Variants in RASGRP1 observed in about 807,000 individuals in gnomAD.
The protein encoded by RASGRP1 is RAS guanyl releasing protein 1.
In RASGRP1, 37 loss-of-function variants were observed where a neutral mutation model predicts 95.1. The observed-to-expected ratio is 0.39, with a 90% CI of 0.30 to 0.51. RASGRP1 has a LOEUF of 0.51. Ranked by LOEUF, RASGRP1 falls within the 20% of genes least tolerant of loss-of-function variation. The probability of loss-of-function intolerance (pLI) is 0.80; values close to 1 mark genes in which losing one functional copy is unlikely to be tolerated. For missense variants in RASGRP1, 711 were observed against 965.4 expected, an observed-to-expected ratio of 0.74 and a Z score of 3.49; for synonymous variants, 325 against 353.4, an observed-to-expected ratio of 0.92 and a Z score of 0.90.
chr15:38,518,154 CTG>C (rs1891859747), intron 5 of RASGRP1, 136 bp downstream of exon 5: 1 of 778,156 alleles, frequency 1.3e-6, no homozygotes, highest in East Asian at 2.7e-5. Context: ...CAGTTTGAAC[CTG>C]TGTATTTGAG....
At chr15:38,491,875 G>A (rs117117067) in intron 16 of RASGRP1, among the ~76,000 whole-genome samples, 2 of 152,130 alleles carry the variant, frequency 1.3e-5, no homozygotes, top group Non-Finnish European at 2.9e-5. Context: ...ATCTTTCTGC[G>A]AGCCACTTCT....
At chr15:38,535,798 A>G (rs1004942508) in intron 2 of RASGRP1, among the ~76,000 whole-genome samples, 1 of 152,214 alleles carries the variant, frequency 6.6e-6, no homozygotes, top group African/African-American at 2.4e-5. Flanking sequence ...TTTTAGCTGT[A>G]TTGTCTCTGC....
At chr15:38,564,443 G>T in intron 1 of RASGRP1, 151 bp downstream of exon 1, 2 of 286,364 alleles carry the variant, frequency 7.0e-6, no homozygotes, top group Non-Finnish European at 1.1e-5. Context: ...TTCTGGACAC[G>T]TCCGCCCGTC....
At chr15:38,542,844 T>TATATGTGTATATATATATAC (rs1555403772) in intron 2 of RASGRP1, among the ~76,000 whole-genome samples, 11 of 126,910 alleles carry the variant, frequency 8.7e-5, no homozygotes, top group African/African-American at 1.6e-4. Flanking sequence ...TGTATATATA[T>TATATGTGTATATATATATAC]ATATGTGTAT....
At chr15:38,556,401 C>A (rs548356690) in intron 2 of RASGRP1, among the ~76,000 whole-genome samples, 67 of 152,284 alleles carry the variant, frequency 4.4e-4, no homozygotes, top group African/African-American at 1.3e-3. Context: ...CTTCTGAGAA[C>A]AGTGTGGGTG....
In RASGRP1 at chr15:38,500,349, T is replaced by TG. The variant is rs1378437673; in HGVS notation, c.1684-211_1684-210insC. ...TTTCTCAAGAAGCAGGTTTTTTTTGTTTTGTTTTTTTTGAGACAGTCTTGC... is the reference window on the plus strand; with the variant it reads ...TTTCTCAAGAAGCAGGTTTTTTTTGTGTTTGTTTTTTTTGAGACAGTCTTGC... On this transcript the variant is annotated intron_variant, in intron 13 of 16. Coordinates refer to ENST00000310803, the MANE Select transcript of RASGRP1 (RefSeq NM_005739.4). 6.5e-3 allele frequency among the ~76,000 whole-genome samples: 971 copies of TG among 149,256 alleles called. 15 individuals carry two copies. Among genetic ancestry groups the TG allele is most frequent in the African/African-American group, 0.023 (919 of 40,222 alleles).
intron 6 of RASGRP1, among the ~76,000 whole-genome samples, chr15:38,513,305 C>T (rs985716115): frequency 1.3e-5 from 2 of 152,192 alleles, no homozygotes; most frequent in African/African-American, 2.4e-5. Flanking sequence ...AGTATTGCTG[C>T]TAAGGTTAAG....
At chr15:38,543,511 G>A (rs953332072) in intron 2 of RASGRP1, among the ~76,000 whole-genome samples, 1 of 147,394 alleles carries the variant, frequency 6.8e-6, no homozygotes, top group Non-Finnish European at 1.5e-5. Flanking sequence ...GGTTATTCCA[G>A]GTCCTTTCAT....
At chr15:38,511,864 A>G (rs1469909385) in intron 7 of RASGRP1, 144 bp from the exon 8 acceptor site, 3 of 616,766 alleles carry the variant, frequency 4.9e-6, no homozygotes, top group East Asian at 2.8e-5. Flanking sequence ...TTTCCTGTCC[A>G]TGTCTCCCCT....
chr15:38,526,759 C>A (rs531759528), intron 2 of RASGRP1, among the ~76,000 whole-genome samples: 13 of 152,226 alleles, frequency 8.5e-5, no homozygotes, highest in African/African-American at 3.1e-4. Context: ...GGAGAGAATT[C>A]TCTGGGGTCA....
intron 16 of RASGRP1, among the ~76,000 whole-genome samples, chr15:38,492,605 A>G (rs965010771): frequency 7.9e-5 from 12 of 152,156 alleles, no homozygotes; most frequent in Admixed American, 2.0e-4. Flanking sequence ...AATAAAGTGA[A>G]TAGTAGTGTT....
intron 16 of RASGRP1, among the ~76,000 whole-genome samples, chr15:38,493,179 CT>C (rs71418810): frequency 0.057 from 5,946 of 104,446 alleles, 210 homozygotes; most frequent in East Asian, 0.12. Context: ...CACGCCGGGC[CT>C]TTTTTTTTTT....
intron 16 of RASGRP1, among the ~76,000 whole-genome samples, chr15:38,493,179 CTTTTTTTTTT>C: frequency 9.6e-6 from 1 of 104,534 alleles, no homozygotes; most frequent in African/African-American, 3.8e-5. Context: ...CACGCCGGGC[CTTTTTTTTTT>C]TTTTTTTTTT....
At chr15:38,535,539 G>A (rs181725603) in intron 2 of RASGRP1, among the ~76,000 whole-genome samples, 1 of 152,114 alleles carries the variant, frequency 6.6e-6, no homozygotes, top group Non-Finnish European at 1.5e-5. Context: ...CAGTGGCCAG[G>A]GGGTGAAAAT....
intron 2 of RASGRP1, among the ~76,000 whole-genome samples, chr15:38,557,632 T>C (rs541883310): frequency 7.2e-4 from 107 of 148,138 alleles, no homozygotes; most frequent in Non-Finnish European, 9.3e-4. Context: ...TGTGTGTGTA[T>C]ATATATATAT....
intron 2 of RASGRP1, among the ~76,000 whole-genome samples, chr15:38,558,051 G>C (rs1470740693): frequency 6.6e-6 from 1 of 152,132 alleles, no homozygotes; most frequent in Non-Finnish European, 1.5e-5. Flanking sequence ...GGAAGGTGGT[G>C]TGATAAACAT....
chr15:38,501,028 C>G, intron 13 of RASGRP1, 115 bp downstream of exon 13: 1 of 1,224,380 alleles, frequency 8.2e-7, no homozygotes, highest in Non-Finnish European at 1.1e-6. Context: ...TTCTAGGTGT[C>G]TGTCTGGGCT....
intron 2 of RASGRP1, among the ~76,000 whole-genome samples, chr15:38,544,944 C>A (rs569616105): frequency 6.6e-6 from 1 of 152,214 alleles, no homozygotes; most frequent in African/African-American, 2.4e-5. Flanking sequence ...CTGTTGGTAG[C>A]AGGAAAATAA....
chr15:38,518,617 C>T (rs1595851095), intron 4 of RASGRP1, among the ~76,000 whole-genome samples, 194 bp from the exon 5 acceptor site: 1 of 152,064 alleles, frequency 6.6e-6, no homozygotes, highest in East Asian at 1.9e-4. Flanking sequence ...ATCTTCTGTC[C>T]CTCCACACAA....
Sources: gnomAD v4.1 joint callset for allele counts (sites outside exome capture counted in the v4.1 genomes callset) on GRCh38, gnomAD v4.1.1 for gene constraint, MANE v1.5 for transcripts, NCBI Gene and HGNC (gene_info 2026-07-23, HGNC 2026-07-21) for gene names.